The following COL11A1 variants were observed in gnomAD, a reference collection of about 807,000 sequenced individuals.
COL11A1 encodes collagen alpha-1(XI) chain.
A neutral mutation model predicts 265.2 loss-of-function variants in COL11A1; 74 were observed. The observed-to-expected ratio is 0.28, with a 90% CI of 0.23 to 0.34. COL11A1 has a LOEUF of 0.34. Among genes scored for constraint, COL11A1 ranks in the 10% least tolerant of loss-of-function variants. COL11A1 has a pLI of 1.00. For missense variants in COL11A1, 2,165 were observed against 2,263.6 expected (o/e 0.96, Z 0.88); for synonymous variants, 816 against 727.6 (o/e 1.12, Z -1.96).
At position 102,940,353 on chromosome 1, in the gene COL11A1, C is replaced by T. The variant is rs370589018; in HGVS notation, c.3358G>A (p.Gly1120Ser). The change falls in exon 43 of 67, where the codon GGC becomes AGC. Residue 1120 changes from glycine (G) to serine (S), a missense_variant. Transcript: ENST00000370096. Reference sequence around the variant, plus strand: ...TTGTCTCCGTCTTCCCCAGGGGAGCCGGCAGGACCAGCTGGCCCTGGGAGA... The same window carrying T: ...TTGTCTCCGTCTTCCCCAGGGGAGCTGGCAGGACCAGCTGGCCCTGGGAGA... ...VGLPGPAGPA[G>S]SPGEDGDKGE... 225 of 1,613,800 alleles carry T rather than the reference C, an allele frequency of 1.4e-4. 1 individual carries two copies. The highest frequency in any genetic ancestry group is 1.8e-4 in the Non-Finnish European group (207 of 1,179,914).
chr1:102,921,369 AAGTGG>A (rs1365300096), intron 48 of COL11A1, 144 bp downstream of exon 48: 12 of 601,792 alleles, frequency 2.0e-5, no homozygotes, highest in Admixed American at 6.2e-5. Context: ...TTGTATAATA[AAGTGG>A]AGTGAATAGG....
chr1:102,972,107 T>G lies in COL11A1; in HGVS notation c.2809-1835A>C, dbSNP rs939667287. Among the ~76,000 whole-genome samples the G allele has an allele frequency of 2.0e-5, 3 of 152,334 alleles. No homozygotes were observed. The Middle Eastern group carries it at 0.01, about 518-fold the overall frequency. ...ACAAAATAGCAAATAAAACAATTTC[T>G]GTGCCTTATCACTGGTTTGATATAT... On this transcript the variant is annotated intron_variant, in intron 36 of 66. Coordinates refer to ENST00000370096, the MANE Select transcript of COL11A1 (RefSeq NM_001854.4).
rs1442452181 is a variant in COL11A1, at chr1:102,877,165, T to C, written c.*854A>G. ...TGACGGAGGCATTGATTTGTTAATA[T>C]ACTTTCTTACACACATTTCCCTGTC... On this transcript the variant is annotated 3_prime_UTR_variant, in exon 67 of 67. Coordinates refer to ENST00000370096, the MANE Select transcript of COL11A1 (RefSeq NM_001854.4). The C allele has an allele frequency of 6.6e-6, 1 of 152,590 alleles. No homozygotes were observed. Among genetic ancestry groups the C allele is most frequent in the Non-Finnish European group, 1.5e-5 (1 of 68,012 alleles). The allele number at this position is 152,590 out of a possible 1,614,324, so 9.5% of individuals were successfully genotyped here.
intron 54 of COL11A1, among the ~76,000 whole-genome samples, chr1:102,903,922 G>A (rs1473223424): frequency 5.3e-5 from 8 of 152,158 alleles, no homozygotes; most frequent in Admixed American, 3.3e-4. Context: ...GACAGCAGTG[G>A]TGCTATCTTG....
At chr1:103,030,413 T>A (rs995988330) in intron 5 of COL11A1, among the ~76,000 whole-genome samples, 1 of 152,084 alleles carries the variant, frequency 6.6e-6, no homozygotes, top group African/African-American at 2.4e-5. Flanking sequence ...TGACCCATTG[T>A]AAACAGTAAA....
intron 35 of COL11A1, 92 bp downstream of exon 35, chr1:102,978,616 T>A: frequency 7.5e-7 from 1 of 1,331,338 alleles, no homozygotes; most frequent in East Asian, 2.3e-5. Context: ...GACATGCACA[T>A]GTATTAGCAG....
chr1:103,059,899 A>T (rs769167829), intron 4 of COL11A1, among the ~76,000 whole-genome samples: 2 of 152,064 alleles, frequency 1.3e-5, no homozygotes, highest in Non-Finnish European at 2.9e-5. Flanking sequence ...AAAATATGTA[A>T]TTACACACAA....
At chr1:103,031,349 A>G in intron 4 of COL11A1, 105 bp from the exon 5 acceptor site, 1 of 1,342,500 alleles carries the variant, frequency 7.4e-7, no homozygotes, top group Non-Finnish European at 1.0e-6. Context: ...ATATTTGAAG[A>G]AGAAAAATGA....
rs573199162 is a variant in COL11A1 at position 103,050,794 on chromosome 1, C to T, written c.652-19550G>A. On this transcript the variant is annotated intron_variant, in intron 4 of 66. Coordinates refer to ENST00000370096, the MANE Select transcript of COL11A1 (RefSeq NM_001854.4). ...ATGGGTTTTTGGTGTGGATGTCCTT[C>T]CTGTTTGTTAGTTTTCCTTCTAACA... is the stretch of plus-strand genomic sequence containing the variant. 6.1e-4 allele frequency among the ~76,000 whole-genome samples: 93 copies of T among 152,172 alleles called. 1 individual carries two copies. The highest frequency in any genetic ancestry group is 2.2e-3 in the African/African-American group (90 of 41,524).
chr1:102,911,654 T>C (rs976649069), intron 54 of COL11A1, among the ~76,000 whole-genome samples: 2 of 152,194 alleles, frequency 1.3e-5, no homozygotes, highest in African/African-American at 4.8e-5. Flanking sequence ...AATACCTATT[T>C]ATTTATATTT....
chr1:102,905,031 T>C (rs867515401), intron 54 of COL11A1, among the ~76,000 whole-genome samples: 6 of 152,000 alleles, frequency 3.9e-5, no homozygotes, highest in South Asian at 4.2e-4. Context: ...CACCATGGAA[T>C]ACTATGCAGC....
rs990595722 is a variant in COL11A1, at chr1:102,923,984, G to A, written c.3601-595C>T. On this transcript the variant is annotated intron_variant, in intron 46 of 66. Transcript: ENST00000370096. ...AGCACTTTGGGAGGCTGAGGCGGGCGGATCACGAGGTCAGGAGATCGAGAC... is the reference window on the plus strand; with the variant it reads ...AGCACTTTGGGAGGCTGAGGCGGGCAGATCACGAGGTCAGGAGATCGAGAC... Among the ~76,000 whole-genome samples the A allele has an allele frequency of 1.3e-5, 2 of 150,972 alleles. 1 individual carries two copies. Among genetic ancestry groups the A allele is most frequent in the East Asian group, 3.9e-4 (2 of 5,146 alleles).
chr1:102,981,923 A>G (rs1663076989), intron 31 of COL11A1, among the ~76,000 whole-genome samples: 1 of 151,844 alleles, frequency 6.6e-6, no homozygotes. Flanking sequence ...ACAGGCCTTA[A>G]TCTGCTTGAA....
intron 63 of COL11A1, among the ~76,000 whole-genome samples, chr1:102,885,785 C>A (rs151124354): frequency 1.3e-5 from 2 of 152,188 alleles, no homozygotes; most frequent in African/African-American, 4.8e-5. Flanking sequence ...AAAAGTAAAT[C>A]TCCTTATAAA....
At position 103,108,198 on chromosome 1, in the gene COL11A1, A is replaced by G; in HGVS notation, c.-20T>C. ...CTCCATCTCCGAGCCCCGCACTCAC[A>G]ACTGTGAACTCAACCCACGAAATTG... On this transcript the variant is annotated 5_prime_UTR_variant, in exon 1 of 67. Transcript: ENST00000370096. 1.2e-6 allele frequency: 2 copies of G among 1,604,628 alleles called. No homozygotes were observed. Among genetic ancestry groups the G allele is most frequent in the East Asian group, 2.2e-5 (1 of 44,780 alleles).
In COL11A1 at chr1:103,004,493, C is replaced by T; in HGVS notation, c.1900-5G>A. The T allele has an allele frequency of 6.2e-7, 1 of 1,611,544 alleles. No individual in the cohort carries two copies. The highest frequency in any genetic ancestry group is 8.5e-7 in the Non-Finnish European group (1 of 1,178,318). ...TCCAATTTCTCCATCTTCTCCCTGT[C>T]ATTGACAAAATGAATGAGAGTATAG... is the stretch of plus-strand genomic sequence containing the variant. On this transcript the variant is annotated splice_polypyrimidine_tract_variant and splice_region_variant and intron_variant, in intron 19 of 66. Coordinates refer to ENST00000370096, the MANE Select transcript of COL11A1 (RefSeq NM_001854.4).
Position 103,015,760 on chromosome 1 carries a change from A to T in COL11A1, c.1414-18T>A. Reference sequence around the variant, plus strand: ...GGGGGGCCCTAGAAAAATAAATGAAATAACCAAAATAAATAAATATCAAAA... The same window carrying T: ...GGGGGGCCCTAGAAAAATAAATGAATTAACCAAAATAAATAAATATCAAAA... On this transcript the variant is annotated intron_variant, in intron 11 of 66. Transcript: ENST00000370096. The T allele has an allele frequency of 6.8e-7, 1 of 1,476,850 alleles. No homozygotes were observed. The highest frequency in any genetic ancestry group is 9.3e-7 in the Non-Finnish European group (1 of 1,071,752). The allele number at this position is 1,476,850 out of a possible 1,614,324, so 91.5% of individuals were successfully genotyped here. A position where few individuals can be genotyped will look rare whatever the true frequency, so the allele number is the denominator to read the frequency against.
intron 1 of COL11A1, among the ~76,000 whole-genome samples, chr1:103,084,658 A>G (rs1672714793): frequency 1.3e-5 from 2 of 152,074 alleles, no homozygotes; most frequent in South Asian, 4.1e-4. Context: ...ATAATTACAT[A>G]TATATTTAAG....
intron 54 of COL11A1, 89 bp from the exon 55 acceptor site, chr1:102,899,083 G>A: frequency 1.5e-6 from 1 of 652,160 alleles, no homozygotes; most frequent in Non-Finnish European, 2.4e-6. Context: ...ACTTTAGTTT[G>A]TAACAGATGA....
Sources: gnomAD v4.1 joint callset for allele counts (sites outside exome capture counted in the v4.1 genomes callset) on GRCh38, gnomAD v4.1.1 for gene constraint, MANE v1.5 for transcripts, NCBI Gene and HGNC (gene_info 2026-07-23, HGNC 2026-07-21) for gene names.